MYCBP2: variants seen among roughly 807,000 people sequenced by gnomAD.
MYCBP2 encodes MYC binding protein 2.
A neutral mutation model predicts 525.3 loss-of-function variants in MYCBP2; 120 were observed. The observed-to-expected ratio is 0.23, with a 90% confidence interval of 0.20 to 0.27. MYCBP2 has a LOEUF of 0.27. Among genes scored for constraint, MYCBP2 ranks in the 10% least tolerant of loss-of-function variants. The pLI is 1.00. For missense variants in MYCBP2, 4,149 were observed against 5,657.1 expected, an observed-to-expected ratio of 0.73 and a Z score of 8.55; for synonymous variants, 1,894 against 1,955.8, an observed-to-expected ratio of 0.97 and a Z score of 0.83.
chr13:77,325,682 C>T (rs1394789662), intron 1 of MYCBP2, among the ~76,000 whole-genome samples: 1 of 152,202 alleles, frequency 6.6e-6, no homozygotes, highest in Non-Finnish European at 1.5e-5. Flanking sequence ...CTACAAAACC[C>T]TCTCTACTCT....
At chr13:77,182,669 C>G (rs933647358) in intron 32 of MYCBP2, among the ~76,000 whole-genome samples, 4 of 152,198 alleles carry the variant, frequency 2.6e-5, no homozygotes, top group Admixed American at 2.6e-4. Flanking sequence ...AATAATCTTG[C>G]CCCTGGAAAT....
intron 62 of MYCBP2, 76 bp downstream of exon 62, chr13:77,087,408 A>C: frequency 5.6e-6 from 7 of 1,239,480 alleles, no homozygotes; most frequent in Non-Finnish European, 7.9e-6. Context: ...GATTTCATGC[A>C]AATTATTGGA....
At chr13:77,266,696 C>CATT (rs57489746) in intron 8 of MYCBP2, among the ~76,000 whole-genome samples, 4,693 of 121,760 alleles carry the variant, frequency 0.039, 307 homozygotes, top group African/African-American at 0.13. Flanking sequence ...ATATTATTGT[C>CATT]ATTATTATTA....
At position 77,077,310 on chromosome 13, in the gene MYCBP2, T is replaced by A; in HGVS notation, c.11562A>T (p.Glu3854Asp). The A allele has an allele frequency of 6.2e-7, 1 of 1,614,040 alleles. No individual in the cohort carries two copies. The highest frequency in any genetic ancestry group is 8.5e-7 in the Non-Finnish European group (1 of 1,179,950). Reference protein sequence around the residue: ...PGGDNHIIKIELKGPENTLRV... With the variant: ...PGGDNHIIKIDLKGPENTLRV... Reference sequence around the variant, plus strand: ...TCAGTGTATTTTCTGGGCCTTTTAATTCAATTTTTATGATGTGATTATCCC... The same window carrying A: ...TCAGTGTATTTTCTGGGCCTTTTAAATCAATTTTTATGATGTGATTATCCC... The change falls in exon 67 of 83, where the codon GAA (glutamate) becomes GAT (aspartate). Residue 3854 changes from glutamate (E) to aspartate (D), a missense_variant. By Grantham distance (45) the Glu-to-Asp change is conservative. Transcript: ENST00000544440.
intron 54 of MYCBP2, among the ~76,000 whole-genome samples, chr13:77,124,457 G>A (rs756272346): frequency 2.0e-5 from 3 of 151,972 alleles, no homozygotes; most frequent in Non-Finnish European, 4.4e-5. Context: ...ATAAATTTTG[G>A]GATTTGGCAG....
At chr13:77,308,341 C>T (rs2079726014) in intron 1 of MYCBP2, among the ~76,000 whole-genome samples, 1 of 152,198 alleles carries the variant, frequency 6.6e-6, no homozygotes, top group South Asian at 2.1e-4. Flanking sequence ...CTCTTTTTTA[C>T]TATCCTTGCC....
rs572180297 is a variant in MYCBP2, at chr13:77,179,997, A to C, written c.5133+130T>G. On this transcript the variant is annotated intron_variant, in intron 34 of 82. Transcript: ENST00000544440. Reference sequence around the variant, plus strand: ...GAGGTGGAGAGAAAGGCAAAAAAGAAAAACAATGCATTGGGGTTGCTAATC... The same window carrying C: ...GAGGTGGAGAGAAAGGCAAAAAAGACAAACAATGCATTGGGGTTGCTAATC... 8.7e-4 allele frequency: 574 copies of C among 656,132 alleles called. 1 individual carries two copies. Among genetic ancestry groups the C allele is most frequent in the Non-Finnish European group, 1.3e-3 (505 of 387,540 alleles). The allele number at this position is 656,132 out of a possible 1,614,324, so 40.6% of individuals were successfully genotyped here.
chr13:77,085,757 C>T (rs1284244828), intron 62 of MYCBP2, among the ~76,000 whole-genome samples: 16 of 152,136 alleles, frequency 1.1e-4, no homozygotes, highest in Admixed American at 8.5e-4. Context: ...GATAAAAGAG[C>T]TCAGGGGGTA....
At chr13:77,294,781 A>G (rs1370021215) in intron 2 of MYCBP2, among the ~76,000 whole-genome samples, 1 of 152,220 alleles carries the variant, frequency 6.6e-6, no homozygotes, top group African/African-American at 2.4e-5. Context: ...ATGAGAAGGG[A>G]TACAGTGAAC....
rs368301696 is a variant in MYCBP2 at position 77,185,219 on chromosome 13, G to C, written c.4603C>G (p.Leu1535Val). The C allele has an allele frequency of 1.5e-5, 25 of 1,614,020 alleles. 1 individual carries two copies. The highest frequency in any genetic ancestry group is 1.3e-4 in the Admixed American group (8 of 60,014). Reference protein sequence around the residue: ...QGYLSQPLSLLEAVLQECHNT... With the variant: ...QGYLSQPLSLVEAVLQECHNT... ...TGACATTCCTGAAGGACAGCTTCTA[G>C]AAGACTCAAGGGTTGACTGAGATAT... Residue 1535 changes from leucine to valine, a missense_variant, in exon 32 of 83, where the codon CTA (leucine) becomes GTA (valine). This residue lies in a region of MYCBP2 where 292 missense variants were observed against 330.5 expected (regional missense o/e 0.88). Coordinates refer to ENST00000544440, the MANE Select transcript of MYCBP2 (RefSeq NM_015057.5).
rs528669740 is a variant in MYCBP2, at chr13:77,291,144, C to G, written c.379-2768G>C. Among the ~76,000 whole-genome samples, 5 of 152,052 alleles carry G rather than the reference C, an allele frequency of 3.3e-5. No individual in the cohort carries two copies. In the East Asian group the frequency reaches 9.7e-4, roughly 29 times the overall value. On this transcript the variant is annotated intron_variant, in intron 2 of 82. Transcript: ENST00000544440. The stretch of plus-strand genomic sequence containing the variant: ...ATGTATTTGGAATGCAGATATCTGA[C>G]AAAAGACTTGTATTTAGAATATATG...
At chr13:77,263,516 C>T in intron 10 of MYCBP2, 135 bp downstream of exon 10, 1 of 622,158 alleles carries the variant, frequency 1.6e-6, no homozygotes, top group Non-Finnish European at 2.6e-6. Flanking sequence ...CAAAATTATC[C>T]TTTATATTAA....
At chr13:77,268,010 C>A in intron 7 of MYCBP2, 73 bp from the exon 8 acceptor site, 1 of 879,530 alleles carries the variant, frequency 1.1e-6, no homozygotes, top group Admixed American at 2.1e-5. Context: ...CATACAGCTC[C>A]ATATTACAGG....
rs944408633 is a variant in MYCBP2 at position 77,087,687 on chromosome 13, G to A, written c.10726-54C>T. 7 of 1,476,800 alleles carry A rather than the reference G, an allele frequency of 4.7e-6. No homozygotes were observed. The African/African-American group carries it at 7.1e-5, about 15-fold the overall frequency. The allele number at this position is 1,476,800 out of a possible 1,614,324, so 91.5% of individuals were successfully genotyped here. On this transcript the variant is annotated intron_variant, in intron 61 of 82. Coordinates refer to ENST00000544440, the MANE Select transcript of MYCBP2 (RefSeq NM_015057.5). ...AGAATAAAATACATGAGTTTAAAAA[G>A]TACTCAGAAATAAAGTACCTCCATG...
Position 77,204,175 on chromosome 13 carries a change from A to G in MYCBP2, c.3843+1081T>C, listed in dbSNP as rs561088932. On this transcript the variant is annotated intron_variant, in intron 26 of 82. Coordinates refer to ENST00000544440, the MANE Select transcript of MYCBP2 (RefSeq NM_015057.5). ...GACAAAGGGCTAATATCCAGAATCTACAATGAACTCAAACCAATTTACAAG... is the reference window on the plus strand; with the variant it reads ...GACAAAGGGCTAATATCCAGAATCTGCAATGAACTCAAACCAATTTACAAG... Among the ~76,000 whole-genome samples, 24 of 152,080 alleles carry G rather than the reference A, an allele frequency of 1.6e-4. No homozygotes were observed. The East Asian group carries it at 3.3e-3, about 21-fold the overall frequency.
In MYCBP2 at chr13:77,316,954, T is replaced by A. The variant is rs970150665; in HGVS notation, c.302+9520A>T. The stretch of plus-strand genomic sequence containing the variant: ...AAATGGTGACTTCTTTTTTTGTTGT[T>A]TTTTTTTTGTTTTGAGATGGAGTCT... On this transcript the variant is annotated intron_variant, in intron 1 of 82. Transcript: ENST00000544440. 4.6e-5 allele frequency among the ~76,000 whole-genome samples: 7 copies of A among 150,932 alleles called. 1 individual carries two copies. Among genetic ancestry groups the A allele is most frequent in the African/African-American group, 1.7e-4 (7 of 41,098 alleles).
At chr13:77,233,088 G>A in intron 18 of MYCBP2, 68 bp downstream of exon 18, 5 of 1,370,094 alleles carry the variant, frequency 3.6e-6, no homozygotes, top group Non-Finnish European at 4.2e-6. Flanking sequence ...TTTTCCCAGA[G>A]ACAAAATTCA....
chr13:77,249,173 A>C (rs1040650003), intron 15 of MYCBP2, among the ~76,000 whole-genome samples: 1 of 152,208 alleles, frequency 6.6e-6, no homozygotes, highest in Admixed American at 6.5e-5. Context: ...CAAGATGAAA[A>C]GTTATGGAGA....
At chr13:77,316,481 C>T (rs1423835086) in intron 1 of MYCBP2, among the ~76,000 whole-genome samples, 1 of 152,210 alleles carries the variant, frequency 6.6e-6, no homozygotes, top group Non-Finnish European at 1.5e-5. Context: ...ATTTTGAGCA[C>T]ATCAGTGCTG....
Sources: gnomAD v4.1 joint callset for allele counts (sites outside exome capture counted in the v4.1 genomes callset) on GRCh38, gnomAD v4.1.1 for gene constraint, gnomAD v4.1.1 regional missense constraint, MANE v1.5 for transcripts, NCBI Gene and HGNC (gene_info 2026-07-23, HGNC 2026-07-21) for gene names.